Variants in CCNT1 observed in about 807,000 individuals in gnomAD.
CCNT1 encodes the protein cyclin T1.
In CCNT1, 18 loss-of-function variants were observed where a neutral mutation model predicts 67.3. That is an observed-to-expected ratio of 0.27 (90% CI 0.18 to 0.40). The LOEUF is 0.40. Among genes scored for constraint, CCNT1 ranks in the 10% least tolerant of loss-of-function variants. The pLI is 1.00. For synonymous variants in CCNT1, 333 were observed against 310.3 expected, an observed-to-expected ratio of 1.07 and a Z score of -0.77; for missense variants, 744 against 884.9, an observed-to-expected ratio of 0.84 and a Z score of 2.02.
At chr12:48,697,949 C>A (rs1592119553) in intron 6 of CCNT1, 189 bp downstream of exon 6, 1 of 387,298 alleles carries the variant, frequency 2.6e-6, no homozygotes. Flanking sequence ...AGTAGGTTAT[C>A]AAAAAAATCA....
At position 48,693,423 on chromosome 12, in the gene CCNT1, G is replaced by C. The variant is rs767760287; in HGVS notation, c.1791C>G (p.Ser597=). 6.2e-7 allele frequency: 1 copy of C among 1,614,184 alleles called. No individual in the cohort carries two copies. The highest frequency in any genetic ancestry group is 8.5e-7 in the Non-Finnish European group (1 of 1,180,034). ...AAGGGAAGGAGAAATTTAGGGAAGA[G>C]GATTTAGTACTCTTGGCAATCTTGG... The part of the protein sequence containing the change: ...HPAKIAKSTK[S]SSLNFSFPSL... Residue 597 remains serine (S), a synonymous_variant, in exon 9 of 9, where the codon TCC becomes TCG. Transcript: ENST00000261900.
Position 48,716,438 on chromosome 12 carries a change from C to A in CCNT1, c.161+77G>T, listed in dbSNP as rs553854547. On this transcript the variant is annotated intron_variant, in intron 1 of 8. Coordinates refer to ENST00000261900, the MANE Select transcript of CCNT1 (RefSeq NM_001240.4). ...CACCTTCTTCCCCACTTTCGTCCCCCCCACAGAGCCTGAGACCCGGACGCC... is the reference window on the plus strand; with the variant it reads ...CACCTTCTTCCCCACTTTCGTCCCCACCACAGAGCCTGAGACCCGGACGCC... 1.0e-5 allele frequency: 14 copies of A among 1,375,262 alleles called. No homozygotes were observed. The East Asian group carries it at 1.9e-4, about 19-fold the overall frequency. 85.2% of individuals were successfully genotyped at this position (1,375,262 alleles called of 1,614,324 possible).
intron 1 of CCNT1, among the ~76,000 whole-genome samples, 175 bp from the exon 2 acceptor site, chr12:48,714,699 C>T (rs1940507114): frequency 1.3e-5 from 2 of 152,188 alleles, no homozygotes; most frequent in South Asian, 4.1e-4. Flanking sequence ...AATTATTAAT[C>T]GCCAACTGAC....
intron 6 of CCNT1, among the ~76,000 whole-genome samples, chr12:48,697,522 TAAA>T (rs1205232506): frequency 8.6e-6 from 1 of 116,826 alleles, no homozygotes; most frequent in African/African-American, 3.4e-5. Flanking sequence ...GACTCTGTCT[TAAA>T]AAAAAAAAAA....
intron 5 of CCNT1, 151 bp from the exon 6 acceptor site, chr12:48,698,334 G>A (rs774303521): frequency 4.8e-5 from 25 of 519,406 alleles, no homozygotes; most frequent in Non-Finnish European, 4.8e-5. Context: ...TAAACCTGAC[G>A]TTTACATTCT....
chr12:48,700,367 G>A (rs910060097), intron 4 of CCNT1, among the ~76,000 whole-genome samples: 3 of 149,580 alleles, frequency 2.0e-5, no homozygotes, highest in African/African-American at 7.4e-5. Flanking sequence ...AATAAATTGA[G>A]AGATAAACTT....
At chr12:48,699,705 T>C (rs186627720) in intron 5 of CCNT1, 73 bp downstream of exon 5, 24 of 1,018,558 alleles carry the variant, frequency 2.4e-5, no homozygotes, top group East Asian at 7.2e-5. Context: ...CTATTATGTA[T>C]TGTCCACCAC....
chr12:48,694,418 T>C lies in CCNT1; in HGVS notation c.796A>G (p.Lys266Glu), dbSNP rs753320814. 4.3e-6 allele frequency: 7 copies of C among 1,612,050 alleles called. No individual in the cohort carries two copies. The East Asian group carries it at 1.3e-4, about 31-fold the overall frequency. ...GTTCCTCGGTCATCTGCTTTTGTTT[T>C]CTTGGCAGCCTCGCATGCCTGCAAT... ...WNWRACEAAK[K>E]TKADDRGTDE... Residue 266 changes from lysine to glutamate, a missense_variant, in exon 9 of 9, where the codon AAA (lysine) becomes GAA (glutamate). Physicochemically the swap from Lys to Glu is moderately conservative, Grantham distance 56. This residue lies in a region of CCNT1 where 564 missense variants were observed against 574.2 expected (regional missense o/e 0.98). Transcript: ENST00000261900.
At position 48,716,677 on chromosome 12, in the gene CCNT1, G is replaced by C; in HGVS notation, c.-2C>G. ...GTTGTTCTTCCTCTCTCCCTCCATA[G>C]TGCTTCAACCAGAAGGCAGCGGCGA... On this transcript the variant is annotated 5_prime_UTR_variant, in exon 1 of 9. Transcript: ENST00000261900. 1 of 1,613,154 alleles carries C rather than the reference G, an allele frequency of 6.2e-7. No individual in the cohort carries two copies. The highest frequency in any genetic ancestry group is 1.1e-5 in the South Asian group (1 of 90,910).
rs1274447058 is a variant in CCNT1, at chr12:48,697,542, T to A, written c.542+596A>T. Among the ~76,000 whole-genome samples the A allele has an allele frequency of 6.2e-3, 839 of 134,334 alleles. 9 individuals are homozygous for A. Among genetic ancestry groups the A allele is most frequent in the African/African-American group, 0.023 (796 of 35,138 alleles). 88.1% of individuals were successfully genotyped at this position (134,334 alleles called of 152,430 possible). On this transcript the variant is annotated intron_variant, in intron 6 of 8. Transcript: ENST00000261900. ...TGTCTTAAAAAAAAAAAAATATATA[T>A]ATATATATATATATATGCCTGTAAT... is the stretch of plus-strand genomic sequence containing the variant.
chr12:48,711,800 C>G (rs1044407512), intron 2 of CCNT1, among the ~76,000 whole-genome samples: 3 of 152,034 alleles, frequency 2.0e-5, no homozygotes, highest in Non-Finnish European at 4.4e-5. Flanking sequence ...AAATCTTTTT[C>G]TTTTTGTTTT....
chr12:48,693,140 T>G lies in CCNT1; in HGVS notation c.2074A>C (p.Asn692His), dbSNP rs1048778191. ...EFVRPYSDYL[N>H]PRSGGISSRS... The stretch of plus-strand genomic sequence containing the variant: ...GAGGAGATTCCACCAGACCGAGGAT[T>G]CAGATAGTCACTATAAGGACGAACA... Residue 692 changes from asparagine to histidine, a missense_variant, in exon 9 of 9, where the codon AAT becomes CAT. This residue lies in a region of CCNT1 where 564 missense variants were observed against 574.2 expected (regional missense o/e 0.98). Coordinates refer to ENST00000261900, the MANE Select transcript of CCNT1 (RefSeq NM_001240.4). The G allele has an allele frequency of 2.5e-6, 4 of 1,614,034 alleles. No homozygotes were observed. The African/African-American group carries it at 5.3e-5, about 22-fold the overall frequency.
intron 6 of CCNT1, among the ~76,000 whole-genome samples, chr12:48,697,534 A>AAAATATATATATATAT (rs1288926072): frequency 7.7e-6 from 1 of 130,708 alleles, no homozygotes; most frequent in African/African-American, 3.0e-5. Flanking sequence ...AAAAAAAAAA[A>AAAATATATATATATAT]ATATATATAT....
At chr12:48,715,292 T>C (rs890937515) in intron 1 of CCNT1, among the ~76,000 whole-genome samples, 2 of 152,154 alleles carry the variant, frequency 1.3e-5, no homozygotes, top group African/African-American at 4.8e-5. Context: ...AACACACCCT[T>C]AAGATACACA....
intron 2 of CCNT1, among the ~76,000 whole-genome samples, chr12:48,712,595 T>TAAAAAAAAAAAAAAAAAAAAA (rs759919820): frequency 1.2e-4 from 4 of 33,376 alleles, no homozygotes; most frequent in Admixed American, 5.0e-4. Context: ...AAAAAAAAAA[T>TAAAAAAAAAAAAAAAAAAAAA]AAAAAAAAAA....
intron 3 of CCNT1, among the ~76,000 whole-genome samples, chr12:48,702,829 A>C (rs1485209933): frequency 1.3e-5 from 2 of 152,066 alleles, no homozygotes; most frequent in African/African-American, 4.8e-5. Flanking sequence ...AAAAAGAAAA[A>C]AAAAATGTAG....
chr12:48,701,389 CTAAT>C (rs1025918567), intron 3 of CCNT1, among the ~76,000 whole-genome samples: 1 of 151,518 alleles, frequency 6.6e-6, no homozygotes, highest in Non-Finnish European at 1.5e-5. Context: ...CCACGCCCGG[CTAAT>C]TTTTTTGTGA....
chr12:48,715,642 A>G (rs976243063), intron 1 of CCNT1, among the ~76,000 whole-genome samples: 5 of 151,932 alleles, frequency 3.3e-5, no homozygotes, highest in Non-Finnish European at 5.9e-5. Context: ...TTGTATTTTT[A>G]GTAGAGACAG....
chr12:48,707,891 C>CT (rs1940387691), intron 2 of CCNT1, among the ~76,000 whole-genome samples: 1 of 151,868 alleles, frequency 6.6e-6, no homozygotes, highest in Non-Finnish European at 1.5e-5. Context: ...AACCCCGTCT[C>CT]TACTAAAAAC....
Sources: gnomAD v4.1 joint callset for allele counts (sites outside exome capture counted in the v4.1 genomes callset) on GRCh38, gnomAD v4.1.1 for gene constraint, gnomAD v4.1.1 regional missense constraint, MANE v1.5 for transcripts, NCBI Gene and HGNC (gene_info 2026-07-23, HGNC 2026-07-21) for gene names.